Variants in NCOA2 observed in about 807,000 individuals in gnomAD.
The protein encoded by NCOA2 is class E basic helix-loop-helix protein 75.
A neutral mutation model predicts 145.1 loss-of-function variants in NCOA2; 21 were observed. The observed-to-expected ratio is 0.14, with a 90% CI of 0.10 to 0.21. NCOA2 has a LOEUF of 0.21. NCOA2 is among the 10% of genes least tolerant of loss of function. The probability of loss-of-function intolerance (pLI) is 1.00; values close to 1 mark genes in which losing one functional copy is unlikely to be tolerated. For synonymous variants in NCOA2, 619 were observed against 637.5 expected, an observed-to-expected ratio of 0.97 and a Z score of 0.44; for missense variants, 1,472 against 1,837.6, an observed-to-expected ratio of 0.80 and a Z score of 3.64.
At chr8:70,333,920 A>C (rs1807323276) in intron 1 of NCOA2, among the ~76,000 whole-genome samples, 1 of 151,134 alleles carries the variant, frequency 6.6e-6, no homozygotes, top group African/African-American at 2.5e-5. Flanking sequence ...CCTTCCTTCC[A>C]CTATTTCTTC....
the NCOA2 span, among the ~76,000 whole-genome samples, chr8:70,414,498 C>T: frequency 3.9e-5 from 6 of 152,276 alleles, no homozygotes; most frequent in Admixed American, 3.9e-4. Flanking sequence ...TTTGAGTATT[C>T]CCCGACAGAG....
At chr8:70,436,389 C>T in the NCOA2 span, among the ~76,000 whole-genome samples, 2 of 152,104 alleles carry the variant, frequency 1.3e-5, no homozygotes, top group Non-Finnish European at 2.9e-5. Context: ...TGGAGGTCAC[C>T]CACATCTCAG....
intron 10 of NCOA2, among the ~76,000 whole-genome samples, chr8:70,159,052 A>G (rs1365570351): frequency 6.6e-6 from 1 of 151,320 alleles, no homozygotes; most frequent in Non-Finnish European, 1.5e-5. Context: ...CCCTGCCCCC[A>G]CGCTGCAGAT....
intron 1 of NCOA2, among the ~76,000 whole-genome samples, chr8:70,335,142 AAAAAAAAAAAAGATC>A (rs1807463941): frequency 6.7e-6 from 1 of 148,764 alleles, no homozygotes; most frequent in Non-Finnish European, 1.5e-5. Context: ...AAAAAAAAAA[AAAAAAAAAAAAGATC>A]TCTCCCTATG....
the NCOA2 span, among the ~76,000 whole-genome samples, chr8:70,426,711 T>C: frequency 5.6e-4 from 86 of 152,350 alleles, no homozygotes; most frequent in African/African-American, 1.9e-3. Context: ...CGGCATGTAG[T>C]AAACTCAAAA....
intron 4 of NCOA2, among the ~76,000 whole-genome samples, chr8:70,207,544 T>C (rs1053375845): frequency 2.0e-5 from 3 of 152,014 alleles, no homozygotes; most frequent in Non-Finnish European, 4.4e-5. Flanking sequence ...TGTAGTTCAG[T>C]GGAAAAATAG....
chr8:70,328,950 A>T (rs914403928), intron 1 of NCOA2, among the ~76,000 whole-genome samples: 3 of 151,940 alleles, frequency 2.0e-5, no homozygotes, highest in Admixed American at 6.6e-5. Context: ...CTCAAGACCC[A>T]GCAATTTTTT....
At chr8:70,135,728 G>A (rs941992814) in intron 15 of NCOA2, among the ~76,000 whole-genome samples, 1 of 152,112 alleles carries the variant, frequency 6.6e-6, no homozygotes, top group African/African-American at 2.4e-5. Flanking sequence ...ATAATATTAA[G>A]ACGAGAATAG....
At chr8:70,217,598 T>C (rs773054059) in intron 2 of NCOA2, among the ~76,000 whole-genome samples, 3 of 152,058 alleles carry the variant, frequency 2.0e-5, no homozygotes, top group Non-Finnish European at 4.4e-5. Flanking sequence ...AGCTCCTGCT[T>C]GCTGAATTCC....
At chr8:70,392,652 A>G (rs1314743674) in intron 1 of NCOA2, among the ~76,000 whole-genome samples, 1 of 152,058 alleles carries the variant, frequency 6.6e-6, no homozygotes, top group African/African-American at 2.4e-5. Flanking sequence ...ACCCTGGTAT[A>G]CTTTCTTTGT....
chr8:70,298,358 C>A (rs1441887402), intron 1 of NCOA2, among the ~76,000 whole-genome samples: 1 of 152,122 alleles, frequency 6.6e-6, no homozygotes, highest in Non-Finnish European at 1.5e-5. Context: ...TTGAACTCAT[C>A]ATATATAATG....
intron 1 of NCOA2, among the ~76,000 whole-genome samples, chr8:70,330,049 C>T (rs1806948582): frequency 6.6e-6 from 1 of 152,134 alleles, no homozygotes; most frequent in African/African-American, 2.4e-5. Flanking sequence ...TATAGAAAAA[C>T]TCATCTGAGT....
At chr8:70,453,488 C>T in the NCOA2 span, among the ~76,000 whole-genome samples, 1 of 152,226 alleles carries the variant, frequency 6.6e-6, no homozygotes, top group Non-Finnish European at 1.5e-5. Context: ...TGAACTCACA[C>T]TCCTGTATAG....
the NCOA2 span, among the ~76,000 whole-genome samples, chr8:70,416,051 T>A: frequency 6.6e-6 from 1 of 152,190 alleles, no homozygotes; most frequent in Non-Finnish European, 1.5e-5. Flanking sequence ...ATTTGGCTCA[T>A]GCAATTGTGG....
rs565853434 is a variant in NCOA2, at chr8:70,175,172, C to T, written c.260-313G>A. 1.5e-4 allele frequency among the ~76,000 whole-genome samples: 23 copies of T among 152,294 alleles called. No homozygotes were observed. In the East Asian group the frequency reaches 4.0e-3, roughly 27 times the overall value. On this transcript the variant is annotated intron_variant, in intron 4 of 22. Transcript: ENST00000452400. ...ATTATGAAACTGCTATATTCTATGG[C>T]ACAATTAATTTCTACTCAGGAGATT... is the stretch of plus-strand genomic sequence containing the variant.
intron 1 of NCOA2, among the ~76,000 whole-genome samples, chr8:70,315,663 G>A (rs188616506): frequency 6.6e-6 from 1 of 152,308 alleles, no homozygotes; most frequent in East Asian, 1.9e-4. Flanking sequence ...AGAAAGCCAT[G>A]AGGACACACT....
intron 1 of NCOA2, among the ~76,000 whole-genome samples, chr8:70,316,310 T>C (rs1805582085): frequency 6.6e-6 from 1 of 152,182 alleles, no homozygotes; most frequent in Non-Finnish European, 1.5e-5. Context: ...CAATGAGCTG[T>C]TTTAAAGGCA....
the NCOA2 span, among the ~76,000 whole-genome samples, chr8:70,440,116 C>G: frequency 6.6e-6 from 1 of 152,102 alleles, no homozygotes; most frequent in East Asian, 1.9e-4. Flanking sequence ...GAAGCCCCAT[C>G]TCTACTAAAA....
intron 13 of NCOA2, among the ~76,000 whole-genome samples, chr8:70,143,229 T>C (rs1810658773): frequency 6.6e-6 from 1 of 152,200 alleles, no homozygotes; most frequent in Non-Finnish European, 1.5e-5. Context: ...ATTACAGGCA[T>C]GAGCCACCAT....
Sources: allele counts gnomAD v4.1 joint callset (sites outside exome capture counted in the v4.1 genomes callset), GRCh38; gene constraint gnomAD v4.1.1; transcripts MANE v1.5; gene names NCBI Gene and HGNC (gene_info 2026-07-23, HGNC 2026-07-21).